Variants in MYO16 observed in about 807,000 individuals in gnomAD.
The protein encoded by MYO16 is myosin XVI.
A neutral mutation model predicts 205.3 loss-of-function variants in MYO16; 94 were observed. The ratio of observed to expected loss-of-function variants is 0.46; its 90% CI spans 0.39 to 0.54. MYO16 has a LOEUF of 0.54. Ranked by LOEUF, MYO16 falls within the 20% of genes least tolerant of loss-of-function variation. The pLI is 0.00. For synonymous variants in MYO16, 988 were observed against 954.0 expected (o/e 1.04, Z -0.66); for missense variants, 2,315 against 2,387.5 (o/e 0.97, Z 0.63).
At chr13:108,996,623 A>G (rs748777745) in intron 21 of MYO16, among the ~76,000 whole-genome samples, 8 of 152,198 alleles carry the variant, frequency 5.3e-5, no homozygotes, top group Non-Finnish European at 1.0e-4. Context: ...TGAGGACAAT[A>G]AGGAAATGGA....
chr13:108,933,436 C>G (rs1882346303), intron 16 of MYO16, among the ~76,000 whole-genome samples: 1 of 151,908 alleles, frequency 6.6e-6, no homozygotes, highest in African/African-American at 2.4e-5. Flanking sequence ...CCAGAGTATA[C>G]AGTGGACTTA....
intron 2 of MYO16, among the ~76,000 whole-genome samples, chr13:108,670,933 A>T (rs1322942056): frequency 6.6e-6 from 1 of 152,202 alleles, no homozygotes; most frequent in Non-Finnish European, 1.5e-5. Context: ...CTTTCTTAAC[A>T]TGTATTTTTA....
chr13:108,496,881 A>C, the MYO16 span, among the ~76,000 whole-genome samples: 1 of 146,250 alleles, frequency 6.8e-6, no homozygotes, highest in Non-Finnish European at 1.5e-5. Context: ...TGGCCAGAGG[A>C]GTAAATGAGC....
intron 34 of MYO16, among the ~76,000 whole-genome samples, chr13:109,192,639 G>A (rs1322073910): frequency 1.3e-5 from 2 of 152,138 alleles, no homozygotes; most frequent in East Asian, 1.9e-4. Flanking sequence ...CCACTTACAA[G>A]CATAGCCCAT....
intron 7 of MYO16, among the ~76,000 whole-genome samples, chr13:108,815,310 G>T (rs1020806238): frequency 1.6e-4 from 25 of 152,146 alleles, no homozygotes; most frequent in Admixed American, 4.6e-4. Flanking sequence ...GCTAAATAAA[G>T]AACTTTGCAT....
chr13:108,567,417 G>A, the MYO16 span, among the ~76,000 whole-genome samples: 4 of 152,122 alleles, frequency 2.6e-5, no homozygotes, highest in Non-Finnish European at 5.9e-5. Context: ...CGGGTGATAA[G>A]ATTTAATTAT....
chr13:108,646,961 C>G (rs775261032), intron 1 of MYO16, among the ~76,000 whole-genome samples: 2 of 151,958 alleles, frequency 1.3e-5, no homozygotes, highest in Admixed American at 6.6e-5. Context: ...GCATTGTCAG[C>G]GAACACTATA....
chr13:108,583,400 T>G, the MYO16 span, among the ~76,000 whole-genome samples: 1 of 152,210 alleles, frequency 6.6e-6, no homozygotes, highest in East Asian at 1.9e-4. Flanking sequence ...GAGACTTTAC[T>G]TAGGCAGAAA....
Position 109,140,773 on chromosome 13 carries a change from C to G in MYO16, c.4561C>G (p.Pro1521Ala), listed in dbSNP as rs1456178667. 2 of 1,567,288 alleles carry G rather than the reference C, an allele frequency of 1.3e-6. No individual in the cohort carries two copies. The highest frequency in any genetic ancestry group is 1.7e-6 in the Non-Finnish European group (2 of 1,159,572). ...GCCCCTGCTGGTGTTCCCCCCGACC[C>G]CCGTCACCTGCTCCCCCGCCTCCGA... ...RPPLLVFPPT[P>A]VTCSPASDES... The change falls in exon 32 of 35, where the codon CCC becomes GCC. Residue 1521 changes from proline to alanine, a missense_variant. By Grantham distance (27) the Pro-to-Ala change is conservative. Transcript: ENST00000457511. The surrounding 1 kb of genome is among the most constrained non-coding windows in gnomAD (Gnocchi z 8.0).
chr13:108,556,458 T>G, the MYO16 span, among the ~76,000 whole-genome samples: 1 of 152,196 alleles, frequency 6.6e-6, no homozygotes, highest in Non-Finnish European at 1.5e-5. Context: ...TTCAGATCCT[T>G]TGCCCATTTT....
rs1262692890 is a variant in MYO16, at chr13:108,972,263, A to C, written c.2369+7361A>C. On this transcript the variant is annotated intron_variant, in intron 20 of 34. Transcript: ENST00000457511. ...TCTCTCTCTCTCTATATATATATAT[A>C]TATATATATATATATATTTACCAGC... Among the ~76,000 whole-genome samples the C allele has an allele frequency of 3.8e-4, 22 of 58,514 alleles. 2 individuals carry two copies. Among genetic ancestry groups the C allele is most frequent in the Admixed American group, 6.2e-4 (3 of 4,860 alleles). 38.4% of individuals were successfully genotyped at this position (58,514 alleles called of 152,430 possible). A position where few individuals can be genotyped will look rare whatever the true frequency, so the allele number is the denominator to read the frequency against.
the MYO16 span, among the ~76,000 whole-genome samples, chr13:108,536,353 T>A: frequency 6.6e-6 from 1 of 151,946 alleles, no homozygotes; most frequent in African/African-American, 2.4e-5. Flanking sequence ...TTTATTAGAT[T>A]ATTAAAGCTG....
chr13:108,780,266 T>G (rs1427727376), intron 4 of MYO16, among the ~76,000 whole-genome samples: 1 of 152,060 alleles, frequency 6.6e-6, no homozygotes, highest in South Asian at 2.1e-4. Context: ...AAGCAAGGCA[T>G]TTTTTTCAAA....
In MYO16 at chr13:108,765,130, A is replaced by G. The variant is rs1302978520; in HGVS notation, c.508-20505A>G. ...TCCACACACATAGGTAAATCATACA[A>G]AAAGTAGGTGTCATGCATATCTGTA... is the stretch of plus-strand genomic sequence containing the variant. On this transcript the variant is annotated intron_variant, in intron 4 of 34. Coordinates refer to ENST00000457511, the MANE Select transcript of MYO16 (RefSeq NM_001198950.3). Among the ~76,000 whole-genome samples, 2 of 152,246 alleles carry G rather than the reference A, an allele frequency of 1.3e-5. 1 individual carries two copies. The highest frequency in any genetic ancestry group is 4.1e-4 in the South Asian group (2 of 4,828).
At chr13:108,935,673 T>C (rs1044881013) in intron 16 of MYO16, among the ~76,000 whole-genome samples, 1 of 152,140 alleles carries the variant, frequency 6.6e-6, no homozygotes, top group Non-Finnish European at 1.5e-5. Context: ...AATAGAAGTG[T>C]TGAGAGTCGG....
rs918322427 is a variant in MYO16 at position 109,207,201 on chromosome 13, G to C, written c.*365G>C. On this transcript the variant is annotated 3_prime_UTR_variant, in exon 35 of 35. Coordinates refer to ENST00000457511, the MANE Select transcript of MYO16 (RefSeq NM_001198950.3). ...CACTCTGTACAGTTGTTTTTCTACGGTTCAACAGTCTGTTTATTGTACTTC... is the reference window on the plus strand; with the variant it reads ...CACTCTGTACAGTTGTTTTTCTACGCTTCAACAGTCTGTTTATTGTACTTC... 3 of 204,196 alleles carry C rather than the reference G, an allele frequency of 1.5e-5. No homozygotes were observed. The highest frequency in any genetic ancestry group is 6.9e-5 in the African/African-American group (3 of 43,544). The allele number at this position is 204,196 out of a possible 1,614,324, so 12.6% of individuals were successfully genotyped here.
Position 108,666,030 on chromosome 13 carries a change from A to C in MYO16, c.173A>C (p.Lys58Thr), listed in dbSNP as rs1881712049. ...EQIKAYYERE[K>T]AFQKQEGFLK... Reference sequence around the variant, plus strand: ...ATCAAAGCCTACTATGAGCGCGAGAAGGCTTTTCAGAAGCAGGAAGGGTTC... The same window carrying C: ...ATCAAAGCCTACTATGAGCGCGAGACGGCTTTTCAGAAGCAGGAAGGGTTC... Residue 58 changes from lysine to threonine, a missense_variant, in exon 2 of 35, where the codon AAG becomes ACG. Around this residue, in one of 3 missense-constraint regions of MYO16, gnomAD observed 1,213 missense variants for 1,274.4 expected, o/e 0.95. Coordinates refer to ENST00000457511, the MANE Select transcript of MYO16 (RefSeq NM_001198950.3). 1.2e-6 allele frequency: 2 copies of C among 1,614,058 alleles called. No individual in the cohort carries two copies. The highest frequency in any genetic ancestry group is 2.2e-5 in the South Asian group (2 of 91,094).
At chr13:108,850,698 C>A (rs754511802) in intron 10 of MYO16, among the ~76,000 whole-genome samples, 13 of 152,330 alleles carry the variant, frequency 8.5e-5, no homozygotes, top group Admixed American at 2.6e-4. Context: ...AAAGAATCTG[C>A]TCCTTTGATA....
chr13:108,553,005 C>CTTT, the MYO16 span, among the ~76,000 whole-genome samples: 11 of 64,908 alleles, frequency 1.7e-4, no homozygotes, highest in African/African-American at 4.9e-4. Context: ...CTTTAATACT[C>CTTT]TTTTTTTTTT....
Sources: allele counts gnomAD v4.1 joint callset (sites outside exome capture counted in the v4.1 genomes callset), GRCh38; gene constraint gnomAD v4.1.1; regional missense constraint gnomAD v4.1.1; non-coding constraint Gnocchi (gnomAD v3.1); transcripts MANE v1.5; gene names NCBI Gene and HGNC (gene_info 2026-07-23, HGNC 2026-07-21).